Variants in DNAAF1 observed in about 807,000 individuals in gnomAD.
DNAAF1 encodes the protein dynein axonemal assembly factor 1.
In DNAAF1, 65 loss-of-function variants were observed where a neutral mutation model predicts 71.1. The ratio of observed to expected loss-of-function variants is 0.91; its 90% CI spans 0.75 to 1.12. The LOEUF is 1.12. Among genes scored for constraint, DNAAF1 ranks in the 50% most tolerant of loss-of-function variants. The probability of loss-of-function intolerance (pLI) is 0.00; values close to 1 mark genes in which losing one functional copy is unlikely to be tolerated. For synonymous variants in DNAAF1, 414 were observed against 354.6 expected (o/e 1.17, Z -1.88); for missense variants, 1,178 against 899.8 (o/e 1.31, Z -3.96).
intron 6 of DNAAF1, among the ~76,000 whole-genome samples, chr16:84,162,775 C>T (rs569283395): frequency 1.3e-5 from 2 of 152,036 alleles, no homozygotes; most frequent in African/African-American, 2.4e-5. Context: ...GCCAAGATCA[C>T]GCCACTGCAC....
chr16:84,169,902 T>C lies in DNAAF1; in HGVS notation c.1074T>C (p.Ser358=), dbSNP rs2088232616. 6.2e-7 allele frequency: 1 copy of C among 1,614,080 alleles called. No homozygotes were observed. The highest frequency in any genetic ancestry group is 8.5e-7 in the Non-Finnish European group (1 of 1,180,040). The change falls in exon 8 of 12, where the codon AGT becomes AGC. Residue 358 remains serine (S), a synonymous_variant. Transcript: ENST00000378553. ...ATGATGGTGAGAATGTGCCCGCCAG[T>C]GCGGAAGGCAAGGAGGAGCCTCCCG... ...SSDDGENVPA[S]AEGKEEPPGD...
In DNAAF1 at chr16:84,157,700, C is replaced by T. The variant is rs547654413; in HGVS notation, c.741+1951C>T. On this transcript the variant is annotated intron_variant, in intron 5 of 11. Transcript: ENST00000378553. The stretch of plus-strand genomic sequence containing the variant: ...CAAAAACCTTGAGTTTATTGTATAC[C>T]GCTTAGGCTATTGATAAACATGGAG... Among the ~76,000 whole-genome samples the T allele has an allele frequency of 4.7e-4, 72 of 152,022 alleles. 2 individuals are homozygous for T. The highest frequency in any genetic ancestry group is 1.5e-3 in the African/African-American group (64 of 41,434).
Position 84,177,870 on chromosome 16 carries a change from G to C in DNAAF1, c.*29G>C, listed in dbSNP as rs535856105. 2 of 1,576,252 alleles carry C rather than the reference G, an allele frequency of 1.3e-6. No homozygotes were observed. Among genetic ancestry groups the C allele is most frequent in the African/African-American group, 2.7e-5 (2 of 74,172 alleles). On this transcript the variant is annotated 3_prime_UTR_variant, in exon 12 of 12. Transcript: ENST00000378553. The stretch of plus-strand genomic sequence containing the variant: ...TCCCCAGTTATATGTAGCATAAATG[G>C]TTTAATCATAAATGTCTCCCTTAGG...
chr16:84,171,938 C>T (rs1004006450), intron 8 of DNAAF1, among the ~76,000 whole-genome samples: 1 of 149,566 alleles, frequency 6.7e-6, no homozygotes, highest in Non-Finnish European at 1.5e-5. Flanking sequence ...AGTGCAGTGG[C>T]ACAATCTCGG....
At chr16:84,147,308 C>G (rs1011972366) in intron 1 of DNAAF1, among the ~76,000 whole-genome samples, 5 of 152,136 alleles carry the variant, frequency 3.3e-5, no homozygotes, top group Admixed American at 6.6e-5. Flanking sequence ...AGTTTAAGAA[C>G]CAGTCCCCAC....
intron 11 of DNAAF1, 78 bp from the exon 12 acceptor site, chr16:84,177,651 A>G (rs1029152666): frequency 7.8e-6 from 10 of 1,278,034 alleles, no homozygotes; most frequent in Admixed American, 3.4e-5. Context: ...TTTGGCCTGG[A>G]CTGAACCCCA....
chr16:84,174,758 C>T, intron 10 of DNAAF1, 36 bp downstream of exon 10: 1 of 1,613,842 alleles, frequency 6.2e-7, no homozygotes, highest in Non-Finnish European at 8.5e-7. Flanking sequence ...CCACAGGCAG[C>T]TTAATTCCAC....
Position 84,176,100 on chromosome 16 carries a change from A to G in DNAAF1, c.1866A>G (p.Thr622=). 1 of 1,614,010 alleles carries G rather than the reference A, an allele frequency of 6.2e-7. No individual in the cohort carries two copies. The highest frequency in any genetic ancestry group is 8.5e-7 in the Non-Finnish European group (1 of 1,179,964). The stretch of plus-strand genomic sequence containing the variant: ...CAAAGGCGGCTCGGGTGCCCTTCAC[A>G]GACATCTTTAAAAAAGAAGCTAAGA... ...DTSKAARVPF[T]DIFKKEAKRD... is the part of the protein sequence containing the mutation. Residue 622 remains threonine, a synonymous_variant, in exon 11 of 12, where the codon ACA becomes ACG. Transcript: ENST00000378553.
rs546620879 is a variant in DNAAF1 at position 84,152,169 on chromosome 16, G to C, written c.352+1827G>C. 5.3e-5 allele frequency among the ~76,000 whole-genome samples: 8 copies of C among 152,282 alleles called. No homozygotes were observed. In the East Asian group the frequency reaches 1.5e-3, roughly 29 times the overall value. On this transcript the variant is annotated intron_variant, in intron 3 of 11. Transcript: ENST00000378553. The stretch of plus-strand genomic sequence containing the variant: ...AGCCAGGTGGTTGCAGTGATGGTGG[G>C]ATCCAGGGGAGAGCAACAAGTTGGA...
chr16:84,174,306 C>A, intron 9 of DNAAF1: 1 of 1,155,614 alleles, frequency 8.7e-7, no homozygotes, highest in Non-Finnish European at 1.1e-6. Context: ...ACTTTTATAC[C>A]ACATAGAGTT....
chr16:84,171,505 G>A (rs1470167268), intron 8 of DNAAF1, among the ~76,000 whole-genome samples: 1 of 152,144 alleles, frequency 6.6e-6, no homozygotes, highest in Admixed American at 6.5e-5. Context: ...GGATGAGGAA[G>A]GGGCTCCTCG....
At chr16:84,145,699 C>G (rs150344475) in intron 1 of DNAAF1, 135 bp downstream of exon 1, 32 of 1,190,372 alleles carry the variant, frequency 2.7e-5, no homozygotes, top group Non-Finnish European at 3.6e-5. Flanking sequence ...AAGCAACGCT[C>G]TGCAGTAGGG....
At chr16:84,170,484 T>A in intron 8 of DNAAF1, 128 bp downstream of exon 8, 1 of 1,415,072 alleles carries the variant, frequency 7.1e-7, no homozygotes, top group South Asian at 1.2e-5. Flanking sequence ...TAGAAGATAA[T>A]GGACACTAGT....
At chr16:84,174,568 A>C in intron 9 of DNAAF1, 101 bp from the exon 10 acceptor site, 1 of 1,606,314 alleles carries the variant, frequency 6.2e-7, no homozygotes, top group African/African-American at 1.3e-5. Flanking sequence ...AGTAACTGTA[A>C]CTAAGGCTGG....
chr16:84,151,845 C>A (rs939008149), intron 3 of DNAAF1, among the ~76,000 whole-genome samples: 97 of 152,228 alleles, frequency 6.4e-4, no homozygotes, highest in African/African-American at 2.3e-3. Context: ...AATTTCTCAC[C>A]ACATGAGCCT....
intron 6 of DNAAF1, among the ~76,000 whole-genome samples, chr16:84,164,172 T>C (rs1175884470): frequency 6.6e-6 from 1 of 151,968 alleles, no homozygotes; most frequent in East Asian, 1.9e-4. Context: ...AGAGTTTCCA[T>C]ATACCACCCG....
chr16:84,173,102 T>C, intron 9 of DNAAF1: 1 of 986,270 alleles, frequency 1.0e-6, no homozygotes, highest in Non-Finnish European at 1.2e-6. Context: ...GCCCACTTCC[T>C]TGTTAAACTT....
At chr16:84,169,020 A>C (rs1473655974) in intron 7 of DNAAF1, among the ~76,000 whole-genome samples, 1 of 146,624 alleles carries the variant, frequency 6.8e-6, no homozygotes, top group Non-Finnish European at 1.5e-5. Context: ...TTCCGTAGGC[A>C]TTTGGCTCCC....
chr16:84,152,100 G>C (rs1248369623), intron 3 of DNAAF1, among the ~76,000 whole-genome samples: 2 of 152,236 alleles, frequency 1.3e-5, no homozygotes, highest in Non-Finnish European at 2.9e-5. Context: ...AGGGCTAAGA[G>C]GACTGACCGT....
Sources: allele counts gnomAD v4.1 joint callset (sites outside exome capture counted in the v4.1 genomes callset), GRCh38; gene constraint gnomAD v4.1.1; transcripts MANE v1.5; gene names NCBI Gene and HGNC (gene_info 2026-07-23, HGNC 2026-07-21).